The following SH3GL3 variants were observed in gnomAD, a reference collection of about 807,000 sequenced individuals.
SH3GL3 encodes the protein endophilin-A3.
In SH3GL3, 33 loss-of-function variants were observed where a neutral mutation model predicts 47.7. The observed-to-expected ratio is 0.69, with a 90% confidence interval of 0.52 to 0.92. SH3GL3 has a LOEUF of 0.92. SH3GL3 is among the 40% of genes least tolerant of loss of function. The pLI, the probability that SH3GL3 is intolerant of heterozygous loss-of-function variation, is 0.00. For synonymous variants in SH3GL3, 155 were observed against 148.8 expected, an observed-to-expected ratio of 1.04 and a Z score of -0.30; for missense variants, 363 against 417.8, an observed-to-expected ratio of 0.87 and a Z score of 1.14.
chr15:83,595,950 C>T (rs2060227162), intron 8 of SH3GL3, among the ~76,000 whole-genome samples: 1 of 152,144 alleles, frequency 6.6e-6, no homozygotes, highest in South Asian at 2.1e-4. Context: ...CTCTCTGTCT[C>T]ATTGAGTTTT....
At chr15:83,478,279 T>C (rs901629790) in intron 1 of SH3GL3, among the ~76,000 whole-genome samples, 6 of 152,132 alleles carry the variant, frequency 3.9e-5, no homozygotes, top group Non-Finnish European at 7.4e-5. Flanking sequence ...AGATTTGGGA[T>C]TCAGCAAGGA....
rs1252507826 is a variant in SH3GL3, at chr15:83,572,786, G to A, written c.465+88G>A. 13 of 966,290 alleles carry A rather than the reference G, an allele frequency of 1.3e-5. 1 individual carries two copies. The South Asian group carries it at 1.7e-4, about 12-fold the overall frequency. The allele number at this position is 966,290 out of a possible 1,614,324, so 59.9% of individuals were successfully genotyped here. ...ACTAGAACGTTTCAGCAGACTGAAAGCATCATCTTATGATGCTTGTGGGTA... is the reference window on the plus strand; with the variant it reads ...ACTAGAACGTTTCAGCAGACTGAAAACATCATCTTATGATGCTTGTGGGTA... On this transcript the variant is annotated intron_variant, in intron 5 of 8. Transcript: ENST00000427482.
At position 83,488,661 on chromosome 15, in the gene SH3GL3, T is replaced by TA. The variant is rs1596085355; in HGVS notation, c.45+41084dup. Among the ~76,000 whole-genome samples, 6 of 152,336 alleles carry TA rather than the reference T, an allele frequency of 3.9e-5. No homozygotes were observed. In the South Asian group the frequency reaches 1.0e-3, roughly 26 times the overall value. Reference sequence around the variant, plus strand: ...GCCTGCTGGAAAATTGTATGATAAGTACACAAATCTGCTTCAGGAGGGTGT... The same window carrying TA: ...GCCTGCTGGAAAATTGTATGATAAGTAACACAAATCTGCTTCAGGAGGGTGT... On this transcript the variant is annotated intron_variant, in intron 1 of 8. Transcript: ENST00000427482.
chr15:83,591,951 C>A (rs2730095), intron 8 of SH3GL3, among the ~76,000 whole-genome samples: 57,351 of 152,068 alleles, frequency 0.38, 11,268 homozygotes, highest in Admixed American at 0.51. Flanking sequence ...GGGATTACAG[C>A]TGTGAGCCAC....
chr15:83,520,972 T>C (rs138782452), intron 1 of SH3GL3, among the ~76,000 whole-genome samples: 1 of 152,252 alleles, frequency 6.6e-6, no homozygotes, highest in African/African-American at 2.4e-5. Context: ...CGTATTTCTC[T>C]TAACCTGTTA....
chr15:83,512,990 T>G (rs1211916250), intron 1 of SH3GL3, among the ~76,000 whole-genome samples: 1 of 152,240 alleles, frequency 6.6e-6, no homozygotes, highest in African/African-American at 2.4e-5. Context: ...ATAGGTCTCA[T>G]GACAAATCCA....
chr15:83,459,205 A>G (rs2040151194), intron 1 of SH3GL3, among the ~76,000 whole-genome samples: 1 of 152,208 alleles, frequency 6.6e-6, no homozygotes, highest in Non-Finnish European at 1.5e-5. Context: ...GGTTTATTCT[A>G]GCTGCGCTGT....
At chr15:83,458,169 A>T (rs1407669002) in intron 1 of SH3GL3, among the ~76,000 whole-genome samples, 1 of 152,212 alleles carries the variant, frequency 6.6e-6, no homozygotes, top group Non-Finnish European at 1.5e-5. Context: ...CAAAATGTGG[A>T]CAGTTAGATT....
At chr15:83,518,691 T>C (rs2043089849) in intron 1 of SH3GL3, among the ~76,000 whole-genome samples, 1 of 152,194 alleles carries the variant, frequency 6.6e-6, no homozygotes, top group African/African-American at 2.4e-5. Flanking sequence ...CTGTGGAGTG[T>C]CTGTTGACTC....
chr15:83,507,562 A>G (rs572652417), intron 1 of SH3GL3, among the ~76,000 whole-genome samples: 2 of 151,414 alleles, frequency 1.3e-5, no homozygotes, highest in South Asian at 4.2e-4. Flanking sequence ...TTACAGGTGC[A>G]TGTCACCACG....
chr15:83,628,090 C>A, the SH3GL3 span, among the ~76,000 whole-genome samples: 1 of 152,196 alleles, frequency 6.6e-6, no homozygotes, highest in African/African-American at 2.4e-5. Context: ...CTCAAACACA[C>A]ATTTTCTGCA....
At chr15:83,557,624 T>G (rs2045028383) in intron 1 of SH3GL3, among the ~76,000 whole-genome samples, 1 of 152,212 alleles carries the variant, frequency 6.6e-6, no homozygotes, top group Admixed American at 6.5e-5. Context: ...TGGCTCTGAT[T>G]CTGGGGATGG....
the SH3GL3 span, among the ~76,000 whole-genome samples, chr15:83,633,673 G>A: frequency 1.3e-5 from 2 of 152,182 alleles, no homozygotes; most frequent in Admixed American, 1.3e-4. Context: ...CCTGCTTGCC[G>A]TTTCCTCTGT....
At chr15:83,594,912 A>C (rs2060200418) in intron 8 of SH3GL3, among the ~76,000 whole-genome samples, 2 of 152,240 alleles carry the variant, frequency 1.3e-5, no homozygotes, top group Admixed American at 1.3e-4. Context: ...GGCAATGTAG[A>C]TTAGTTCAGC....
intron 1 of SH3GL3, among the ~76,000 whole-genome samples, chr15:83,459,618 C>A (rs150014949): frequency 1.3e-5 from 2 of 152,224 alleles, no homozygotes; most frequent in East Asian, 1.9e-4. Flanking sequence ...ATTCTGAAAT[C>A]GATTTCTTTA....
chr15:83,599,422 C>T (rs1471889113), intron 8 of SH3GL3, among the ~76,000 whole-genome samples: 3 of 152,188 alleles, frequency 2.0e-5, no homozygotes, highest in Admixed American at 2.0e-4. Flanking sequence ...AGCTTAGCTC[C>T]CACTTATGGG....
At chr15:83,509,587 T>A (rs1467104009) in intron 1 of SH3GL3, among the ~76,000 whole-genome samples, 1 of 152,210 alleles carries the variant, frequency 6.6e-6, no homozygotes, top group East Asian at 1.9e-4. Flanking sequence ...TGGTTTCTGT[T>A]AAATTTACCA....
At chr15:83,513,817 C>A (rs189066414) in intron 1 of SH3GL3, among the ~76,000 whole-genome samples, 1 of 152,120 alleles carries the variant, frequency 6.6e-6, no homozygotes. Flanking sequence ...GAATAAGGAT[C>A]GTAAATGGAT....
At chr15:83,562,065 ACACACACACACACACACT>A (rs772861324) in intron 2 of SH3GL3, among the ~76,000 whole-genome samples, 14 of 106,874 alleles carry the variant, frequency 1.3e-4, no homozygotes, top group Non-Finnish European at 2.4e-4. Flanking sequence ...ACACACACAC[ACACACACACACACACACT>A]ATAGTGTCCC....
Sources: gnomAD v4.1 joint callset for allele counts (sites outside exome capture counted in the v4.1 genomes callset) on GRCh38, gnomAD v4.1.1 for gene constraint, MANE v1.5 for transcripts, NCBI Gene and HGNC (gene_info 2026-07-23, HGNC 2026-07-21) for gene names.